The following CD164L2 variants were observed in gnomAD, a reference collection of about 807,000 sequenced individuals.
CD164L2 encodes the protein CD164 sialomucin-like 2 protein.
A neutral mutation model predicts 23.9 loss-of-function variants in CD164L2; 21 were observed. That is an observed-to-expected ratio of 0.88 (90% CI 0.62 to 1.27). The LOEUF is 1.27. Ranked by LOEUF, CD164L2 falls within the 50% of genes most tolerant of loss-of-function variation. CD164L2 has a pLI of 0.00. For missense variants in CD164L2, 230 were observed against 224.8 expected, an observed-to-expected ratio of 1.02 and a Z score of -0.15; for synonymous variants, 92 against 90.2, an observed-to-expected ratio of 1.02 and a Z score of -0.11.
chr1:27,379,456 C>G lies in CD164L2; in HGVS notation c.*47G>C. The G allele has an allele frequency of 2.0e-6, 3 of 1,528,090 alleles. No homozygotes were observed. The highest frequency in any genetic ancestry group is 2.4e-5 in the South Asian group (2 of 83,592). 94.7% of individuals were successfully genotyped at this position (1,528,090 alleles called of 1,614,324 possible). ...CCCACAAGGGTGCCCAGAGGCCACC[C>G]TCTGCATCCTCCTTTCCCCTCAGGA... On this transcript the variant is annotated 3_prime_UTR_variant, in exon 6 of 6. Transcript: ENST00000374030.
At position 27,379,487 on chromosome 1, in the gene CD164L2, T is replaced by A. The variant is rs1252702765; in HGVS notation, c.*16A>T. 15 of 1,542,450 alleles carry A rather than the reference T, an allele frequency of 9.7e-6. No individual in the cohort carries two copies. Among genetic ancestry groups the A allele is most frequent in the African/African-American group, 1.4e-5 (1 of 70,638 alleles). On this transcript the variant is annotated 3_prime_UTR_variant, in exon 6 of 6. Transcript: ENST00000374030. ...ATCCTCCTTTCCCCTCAGGATGGAG[T>A]CCAGGCCCAAAGGGGTCAGATTCTG...
At position 27,382,253 on chromosome 1, in the gene CD164L2, G is replaced by A. The variant is rs1391829581; in HGVS notation, c.328+75C>T. Reference sequence around the variant, plus strand: ...GAGCAAAATCCACCGCCTGAGAGAGGCTGTTTCCTCCTGGGGGGCAGGCTA... The same window carrying A: ...GAGCAAAATCCACCGCCTGAGAGAGACTGTTTCCTCCTGGGGGGCAGGCTA... On this transcript the variant is annotated intron_variant, in intron 3 of 5. Transcript: ENST00000374030. The A allele has an allele frequency of 3.1e-6, 5 of 1,613,882 alleles. No homozygotes were observed. The African/African-American group carries it at 5.3e-5, about 17-fold the overall frequency.
intron 3 of CD164L2, 195 bp from the exon 4 acceptor site, chr1:27,382,019 C>T (rs1360539071): frequency 2.8e-6 from 4 of 1,432,514 alleles, no homozygotes; most frequent in Non-Finnish European, 3.7e-6. Flanking sequence ...CTTCCAGGCT[C>T]ATTACTGATG....
rs753359523 is a variant in CD164L2, at chr1:27,382,628, C to A, written c.128G>T (p.Arg43Leu). ...ARGFGRGALIRLNIWPAVQGA... is the reference protein window; with the variant it reads ...ARGFGRGALILLNIWPAVQGA... ...TTGGACCGCCGGCCAGATATTCAGGCGGATCAGGGCTCCCCTCCCAAAGCC... is the reference window on the plus strand; with the variant it reads ...TTGGACCGCCGGCCAGATATTCAGGAGGATCAGGGCTCCCCTCCCAAAGCC... Residue 43 changes from arginine (R) to leucine (L), a missense_variant, in exon 2 of 6, where the codon CGC (arginine) becomes CTC (leucine). Transcript: ENST00000374030. 4 of 1,612,760 alleles carry A rather than the reference C, an allele frequency of 2.5e-6. No homozygotes were observed. The highest frequency in any genetic ancestry group is 3.4e-6 in the Non-Finnish European group (4 of 1,179,844).
rs112027781 is a variant in CD164L2 at position 27,381,451 on chromosome 1, C to G, written c.373+329G>C. On this transcript the variant is annotated intron_variant, in intron 4 of 5. Coordinates refer to ENST00000374030, the MANE Select transcript of CD164L2 (RefSeq NM_001330448.1). ...CACTGAGGATGTCTCCTGAGCAACT[C>G]GAGCCACACACCCTCACCTCCAAGG... Among the ~76,000 whole-genome samples the G allele has an allele frequency of 1.4e-3, 211 of 152,276 alleles. 1 individual carries two copies. Among genetic ancestry groups the G allele is most frequent in the African/African-American group, 4.7e-3 (194 of 41,560 alleles).
intron 5 of CD164L2, 184 bp downstream of exon 5, chr1:27,379,867 T>A (rs959848394): frequency 6.7e-7 from 1 of 1,497,106 alleles, no homozygotes. Context: ...CCAGCCAACA[T>A]CTGACAAAGG....
At position 27,379,477 on chromosome 1, in the gene CD164L2, C is replaced by T; in HGVS notation, c.*26G>A. On this transcript the variant is annotated 3_prime_UTR_variant, in exon 6 of 6. Transcript: ENST00000374030. ...CACCCTCTGCATCCTCCTTTCCCCT[C>T]AGGATGGAGTCCAGGCCCAAAGGGG... 3 of 1,546,638 alleles carry T rather than the reference C, an allele frequency of 1.9e-6. No homozygotes were observed. The highest frequency in any genetic ancestry group is 2.6e-6 in the Non-Finnish European group (3 of 1,143,452).
chr1:27,382,205 T>C, intron 3 of CD164L2, 123 bp downstream of exon 3: 1 of 1,604,076 alleles, frequency 6.2e-7, no homozygotes, highest in Non-Finnish European at 8.5e-7. Context: ...AAGGCAGAAC[T>C]GATACCGGGC....
At position 27,383,330 on chromosome 1, in the gene CD164L2, GT is replaced by G; in HGVS notation, c.-92del. On this transcript the variant is annotated 5_prime_UTR_variant, in exon 1 of 6. Transcript: ENST00000374030. ...CCTCCCAGACTGGGCTCGGCTGAGCGTGTGCGGAGCGAGACCTGGGCAACCG... is the reference window on the plus strand; with the variant it reads ...CCTCCCAGACTGGGCTCGGCTGAGCGGTGCGGAGCGAGACCTGGGCAACCG... The G allele has an allele frequency of 1.2e-6, 1 of 836,846 alleles. No homozygotes were observed. 51.8% of individuals were successfully genotyped at this position (836,846 alleles called of 1,614,324 possible).
At chr1:27,381,635 T>C in intron 4 of CD164L2, 145 bp downstream of exon 4, 1 of 831,050 alleles carries the variant, frequency 1.2e-6, no homozygotes, top group Non-Finnish European at 1.9e-6. Context: ...AAAGGCATCA[T>C]CCAACCCATT....
chr1:27,379,577 G>C, intron 5 of CD164L2, 68 bp from the exon 6 acceptor site: 1 of 1,550,514 alleles, frequency 6.4e-7, no homozygotes, highest in Non-Finnish European at 8.7e-7. Flanking sequence ...CCCCTGCCTC[G>C]AGAGGAGGCA....
chr1:27,379,654 G>C (rs1161046624), intron 5 of CD164L2, 145 bp from the exon 6 acceptor site: 1 of 1,520,156 alleles, frequency 6.6e-7, no homozygotes, highest in Non-Finnish European at 8.9e-7. Context: ...ACGGCACACA[G>C]AGGGCCTCAG....
chr1:27,379,404 GT>G lies in CD164L2; in HGVS notation c.*98del. On this transcript the variant is annotated 3_prime_UTR_variant, in exon 6 of 6. Coordinates refer to ENST00000374030, the MANE Select transcript of CD164L2 (RefSeq NM_001330448.1). Reference sequence around the variant, plus strand: ...CAGGAGCCAAAAACTGGCGGCCAGAGTTTTTCCCGCCCCCGCCCCCCGCTTA... The same window carrying G: ...CAGGAGCCAAAAACTGGCGGCCAGAGTTTTCCCGCCCCCGCCCCCCGCTTA... 2 of 1,138,928 alleles carry G rather than the reference GT, an allele frequency of 1.8e-6. No homozygotes were observed. The highest frequency in any genetic ancestry group is 2.2e-4 in the Middle Eastern group (1 of 4,586). The allele number at this position is 1,138,928 out of a possible 1,614,324, so 70.6% of individuals were successfully genotyped here.
chr1:27,382,260 C>T (rs1172028553), intron 3 of CD164L2, 68 bp downstream of exon 3: 3 of 1,614,048 alleles, frequency 1.9e-6, no homozygotes, highest in Non-Finnish European at 2.5e-6. Context: ...GAGGCTGTTT[C>T]CTCCTGGGGG....
rs2016379272 is a variant in CD164L2 at position 27,383,305 on chromosome 1, C to T, written c.-66G>A. On this transcript the variant is annotated 5_prime_UTR_variant, in exon 1 of 6. Coordinates refer to ENST00000374030, the MANE Select transcript of CD164L2 (RefSeq NM_001330448.1). ...TCGGTGGACAGCTGCCGGGCGCGTC[C>T]CTCCCAGACTGGGCTCGGCTGAGCG... The T allele has an allele frequency of 1.9e-6, 2 of 1,071,404 alleles. No homozygotes were observed. Among genetic ancestry groups the T allele is most frequent in the Non-Finnish European group, 1.4e-6 (1 of 736,770 alleles). The allele number at this position is 1,071,404 out of a possible 1,614,324, so 66.4% of individuals were successfully genotyped here.
chr1:27,382,312 G>C lies in CD164L2; in HGVS notation c.328+16C>G. 1 of 1,614,156 alleles carries C rather than the reference G, an allele frequency of 6.2e-7. No homozygotes were observed. Among genetic ancestry groups the C allele is most frequent in the Non-Finnish European group, 8.5e-7 (1 of 1,180,008 alleles). ...GAGACCCATGCAACTTGGCTTAGGTGCAAGAACCCCCTTACCTGGACATGC... is the reference window on the plus strand; with the variant it reads ...GAGACCCATGCAACTTGGCTTAGGTCCAAGAACCCCCTTACCTGGACATGC... On this transcript the variant is annotated intron_variant, in intron 3 of 5. Transcript: ENST00000374030.
intron 4 of CD164L2, 94 bp downstream of exon 4, chr1:27,381,686 G>A: frequency 7.1e-7 from 1 of 1,398,720 alleles, no homozygotes; most frequent in Non-Finnish European, 9.9e-7. Flanking sequence ...AAGGCGCAGG[G>A]CCGAGGTCAC....
At chr1:27,380,468 T>C (rs1362410057) in intron 4 of CD164L2, among the ~76,000 whole-genome samples, 2 of 152,148 alleles carry the variant, frequency 1.3e-5, no homozygotes, top group Admixed American at 6.5e-5. Context: ...CTGGGCCTCA[T>C]GATCACATGG....
rs758969820 is a variant in CD164L2 at position 27,383,253 on chromosome 1, G to A, written c.-14C>T. The A allele has an allele frequency of 2.0e-6, 3 of 1,507,656 alleles. No individual in the cohort carries two copies. The highest frequency in any genetic ancestry group is 1.4e-5 in the African/African-American group (1 of 72,080). The allele number at this position is 1,507,656 out of a possible 1,614,324, so 93.4% of individuals were successfully genotyped here. On this transcript the variant is annotated 5_prime_UTR_variant, in exon 1 of 6. Transcript: ENST00000374030. ...CGGAGCCTCCATGGGCTCGCGGGGTGGGGGTGGCCGGGGGCGGTGGCCGGG... is the reference window on the plus strand; with the variant it reads ...CGGAGCCTCCATGGGCTCGCGGGGTAGGGGTGGCCGGGGGCGGTGGCCGGG...
Sources: allele counts gnomAD v4.1 joint callset (sites outside exome capture counted in the v4.1 genomes callset), GRCh38; gene constraint gnomAD v4.1.1; transcripts MANE v1.5; gene names NCBI Gene and HGNC (gene_info 2026-07-23, HGNC 2026-07-21).